Variants in CHODL observed in about 807,000 individuals in gnomAD.
The protein encoded by CHODL is transmembrane protein MT75.
In CHODL, 29 loss-of-function variants were observed where a neutral mutation model predicts 34.5. The ratio of observed to expected loss-of-function variants is 0.84; its 90% CI spans 0.63 to 1.15. The LOEUF (loss-of-function observed/expected upper bound fraction) is 1.15, where lower values mean the gene tolerates loss of function less well. Ranked by LOEUF, CHODL falls within the 50% of genes most tolerant of loss-of-function variation. The pLI is 0.00. For synonymous variants in CHODL, 125 were observed against 116.1 expected (o/e 1.08, Z -0.49); for missense variants, 332 against 332.5 (o/e 1.00, Z 0.01).
At chr21:18,007,335 C>A (rs919966487) in intron 1 of CHODL, among the ~76,000 whole-genome samples, 3 of 152,182 alleles carry the variant, frequency 2.0e-5, no homozygotes, top group Non-Finnish European at 4.4e-5. Flanking sequence ...AAAATTGGCA[C>A]ATTTCCCAGT....
intron 1 of CHODL, among the ~76,000 whole-genome samples, chr21:17,937,063 C>G (rs1469661732): frequency 1.6e-5 from 2 of 121,990 alleles, no homozygotes; most frequent in Admixed American, 9.9e-5. Context: ...GCCTGGGTGA[C>G]AGGGTGAGAC....
intron 2 of CHODL, among the ~76,000 whole-genome samples, chr21:18,033,652 G>T (rs2824609): frequency 0.46 from 69,905 of 151,740 alleles, 16,565 homozygotes; most frequent in Admixed American, 0.54. Flanking sequence ...ACAGCCCATT[G>T]GCCTTTTTCA....
intron 1 of CHODL, among the ~76,000 whole-genome samples, chr21:18,003,200 A>G (rs1447002693): frequency 1.3e-5 from 2 of 150,606 alleles, no homozygotes; most frequent in East Asian, 3.9e-4. Context: ...TTTCTCGTGC[A>G]TTTCTCTTTT....
chr21:17,936,161 C>G (rs1408178606), intron 1 of CHODL, among the ~76,000 whole-genome samples: 1 of 152,160 alleles, frequency 6.6e-6, no homozygotes, highest in Non-Finnish European at 1.5e-5. Context: ...CCTTATAACA[C>G]TGGTTGGCAG....
In CHODL at chr21:17,984,201, G is replaced by A. The variant is rs909418421; in HGVS notation, c.-144-43671G>A. Among the ~76,000 whole-genome samples, 8 of 152,140 alleles carry A rather than the reference G, an allele frequency of 5.3e-5. No individual in the cohort carries two copies. The South Asian group carries it at 8.3e-4, about 16-fold the overall frequency. On this transcript the variant is annotated intron_variant, in intron 1 of 6. Transcript: ENST00000400127. ...TATTTCATTTAGCATAGTGGTCTTC[G>A]GCGTCATCTATGTTGTCAGTTTTAA... is the stretch of plus-strand genomic sequence containing the variant.
rs111845276 is a variant in CHODL, at chr21:18,195,028, A to T, written c.-44-61481A>T. Among the ~76,000 whole-genome samples the T allele has an allele frequency of 6.1e-3, 882 of 144,074 alleles. 8 individuals carry two copies. Among genetic ancestry groups the T allele is most frequent in the African/African-American group, 0.022 (837 of 38,566 alleles). 94.5% of individuals were successfully genotyped at this position (144,074 alleles called of 152,430 possible). A position where few individuals can be genotyped will look rare whatever the true frequency, so the allele number is the denominator to read the frequency against. ...CAATACATTGTTATTAATACAATAC[A>T]TTATTTATTTATTTATTTATTTATT... On this transcript the variant is annotated intron_variant, in intron 2 of 6. Transcript: ENST00000400127.
chr21:18,117,587 A>G (rs771940120), intron 2 of CHODL, among the ~76,000 whole-genome samples: 1 of 148,830 alleles, frequency 6.7e-6, no homozygotes, highest in South Asian at 2.1e-4. Flanking sequence ...AAATAGATTA[A>G]TGAACAAGAC....
intron 2 of CHODL, among the ~76,000 whole-genome samples, chr21:18,163,168 T>C (rs138829466): frequency 6.6e-6 from 1 of 152,328 alleles, no homozygotes; most frequent in East Asian, 1.9e-4. Flanking sequence ...TATATGTAAG[T>C]GAATATTTAT....
At chr21:17,991,022 A>G (rs942553414) in intron 1 of CHODL, among the ~76,000 whole-genome samples, 11 of 152,072 alleles carry the variant, frequency 7.2e-5, no homozygotes, top group Non-Finnish European at 1.5e-4. Flanking sequence ...TATGAGATCA[A>G]CTGTTTAAGC....
At chr21:17,996,625 A>C (rs2063851763) in intron 1 of CHODL, among the ~76,000 whole-genome samples, 1 of 152,224 alleles carries the variant, frequency 6.6e-6, no homozygotes, top group Admixed American at 6.5e-5. Flanking sequence ...TTGACCTGGA[A>C]ATTAAAGGAT....
intron 5 of CHODL, 48 bp downstream of exon 5, chr21:18,262,941 T>C: frequency 9.6e-7 from 1 of 1,043,260 alleles, no homozygotes; most frequent in Non-Finnish European, 1.5e-6. Flanking sequence ...TTTAAATAGG[T>C]TTTCAGAAAT....
chr21:17,975,017 T>G (rs1159084562), intron 1 of CHODL, among the ~76,000 whole-genome samples: 2 of 151,550 alleles, frequency 1.3e-5, no homozygotes, highest in Non-Finnish European at 2.9e-5. Context: ...GATAGCTATT[T>G]GAAGTTGCGT....
At chr21:17,974,997 T>A (rs545750660) in intron 1 of CHODL, among the ~76,000 whole-genome samples, 80 of 150,804 alleles carry the variant, frequency 5.3e-4, no homozygotes, top group South Asian at 4.6e-3. Context: ...AAACCTATTG[T>A]ATTGTTCAAG....
At chr21:18,088,940 TAA>T (rs2065039736) in intron 2 of CHODL, among the ~76,000 whole-genome samples, 1 of 152,170 alleles carries the variant, frequency 6.6e-6, no homozygotes, top group African/African-American at 2.4e-5. Flanking sequence ...CGGTTCTCAG[TAA>T]AGTCTGCCAA....
intron 1 of CHODL, among the ~76,000 whole-genome samples, chr21:17,999,389 C>G (rs1325893996): frequency 6.6e-6 from 1 of 152,202 alleles, no homozygotes; most frequent in Middle Eastern, 3.2e-3. Context: ...TGCCTGTTAC[C>G]CAGTTCCAAA....
chr21:18,102,859 AAAGT>A (rs1414235440), intron 2 of CHODL, among the ~76,000 whole-genome samples: 1 of 152,204 alleles, frequency 6.6e-6, no homozygotes, highest in Admixed American at 6.5e-5. Flanking sequence ...TATAAAACTT[AAAGT>A]AAGAATTGGA....
intron 2 of CHODL, among the ~76,000 whole-genome samples, chr21:18,203,645 T>A (rs1443694658): frequency 6.6e-6 from 1 of 152,128 alleles, no homozygotes; most frequent in East Asian, 1.9e-4. Flanking sequence ...TTTCTCTCAT[T>A]TACCTCACAC....
chr21:18,253,552 A>G (rs1168691191), intron 1 of CHODL, among the ~76,000 whole-genome samples: 1 of 152,178 alleles, frequency 6.6e-6, no homozygotes, highest in African/African-American at 2.4e-5. Context: ...TGAAAATACA[A>G]GCTTAATGGC....
chr21:18,027,005 A>T (rs1033680778), intron 1 of CHODL, among the ~76,000 whole-genome samples: 3 of 152,186 alleles, frequency 2.0e-5, no homozygotes, highest in Non-Finnish European at 2.9e-5. Flanking sequence ...GGCTGGGCGC[A>T]GTGGCTCATG....
Sources: allele counts gnomAD v4.1 joint callset (sites outside exome capture counted in the v4.1 genomes callset), GRCh38; gene constraint gnomAD v4.1.1; transcripts MANE v1.5; gene names NCBI Gene and HGNC (gene_info 2026-07-23, HGNC 2026-07-21).